The following CACNA2D1 variants were observed in gnomAD, a reference collection of about 807,000 sequenced individuals.
CACNA2D1 encodes calcium voltage-gated channel auxiliary subunit alpha2delta 1.
In CACNA2D1, 53 loss-of-function variants were observed where a neutral mutation model predicts 171.5. The ratio of observed to expected loss-of-function variants is 0.31; its 90% confidence interval spans 0.25 to 0.39. The LOEUF (loss-of-function observed/expected upper bound fraction) is 0.39. CACNA2D1 is among the 10% of genes least tolerant of loss of function. The pLI is 1.00. For missense variants in CACNA2D1, 903 were observed against 1,299.8 expected, an observed-to-expected ratio of 0.69 and a Z score of 4.69; for synonymous variants, 442 against 443.1, an observed-to-expected ratio of 1.00 and a Z score of 0.03.
chr7:82,280,456 G>A lies in CACNA2D1; in HGVS notation c.294+54679C>T, dbSNP rs78731528. 7.8e-3 allele frequency among the ~76,000 whole-genome samples: 1,184 copies of A among 152,188 alleles called. 22 individuals carry two copies. Among genetic ancestry groups the A allele is most frequent in the African/African-American group, 0.027 (1,121 of 41,516 alleles). Reference sequence around the variant, plus strand: ...ATCTTCCCAAATGACACTTTGATGTGTGCCATCTTAATATATCCTGAAGAG... The same window carrying A: ...ATCTTCCCAAATGACACTTTGATGTATGCCATCTTAATATATCCTGAAGAG... On this transcript the variant is annotated intron_variant, in intron 3 of 38. Transcript: ENST00000356860.
At chr7:82,431,602 C>A (rs2129458799) in intron 1 of CACNA2D1, among the ~76,000 whole-genome samples, 1 of 152,248 alleles carries the variant, frequency 6.6e-6, no homozygotes, top group African/African-American at 2.4e-5. Context: ...GTGTAGGAAT[C>A]TAGAATTGAG....
intron 10 of CACNA2D1, among the ~76,000 whole-genome samples, chr7:82,047,218 A>G (rs969639293): frequency 6.6e-6 from 1 of 152,142 alleles, no homozygotes; most frequent in African/African-American, 2.4e-5. Context: ...TATTATTTCC[A>G]TTACAAATGT....
intron 6 of CACNA2D1, among the ~76,000 whole-genome samples, chr7:82,103,222 C>T (rs956683818): frequency 6.6e-6 from 1 of 152,052 alleles, no homozygotes; most frequent in Non-Finnish European, 1.5e-5. Flanking sequence ...AGAAGAGAAT[C>T]GCGTGAACCA....
intron 6 of CACNA2D1, among the ~76,000 whole-genome samples, chr7:82,107,586 C>CTTTTTTTTTT (rs72498624): frequency 1.5e-5 from 2 of 135,650 alleles, no homozygotes; most frequent in Non-Finnish European, 1.6e-5. Flanking sequence ...TGAAAATAAA[C>CTTTTTTTTTT]TTTTTTTTTT....
chr7:82,052,405 G>C (rs1805293917), intron 10 of CACNA2D1, among the ~76,000 whole-genome samples: 3 of 151,972 alleles, frequency 2.0e-5, no homozygotes, highest in Admixed American at 2.0e-4. Flanking sequence ...ATATTTTGAA[G>C]GTTTTTTTCC....
rs1792184386 is a variant in CACNA2D1, at chr7:81,948,125, G to A, written c.*2267C>T. ...TAAGGTAGTTTGTTGTATGCTGGAAGCAATTCAATTGTTTTAATGTGCATT... is the reference window on the plus strand; with the variant it reads ...TAAGGTAGTTTGTTGTATGCTGGAAACAATTCAATTGTTTTAATGTGCATT... On this transcript the variant is annotated 3_prime_UTR_variant, in exon 39 of 39. Transcript: ENST00000356860. The A allele has an allele frequency of 6.6e-6, 1 of 151,746 alleles. No individual in the cohort carries two copies. Among genetic ancestry groups the A allele is most frequent in the Non-Finnish European group, 1.5e-5 (1 of 67,778 alleles). 9.4% of individuals were successfully genotyped at this position (151,746 alleles called of 1,614,324 possible).
chr7:82,054,700 A>G (rs1436277337), intron 10 of CACNA2D1, among the ~76,000 whole-genome samples: 1 of 152,166 alleles, frequency 6.6e-6, no homozygotes, highest in Non-Finnish European at 1.5e-5. Flanking sequence ...GGGATTCCAG[A>G]ACTGAATCAT....
chr7:81,961,749 A>G (rs879239292), intron 36 of CACNA2D1, 145 bp downstream of exon 36: 8 of 714,072 alleles, frequency 1.1e-5, no homozygotes, highest in South Asian at 1.1e-4. Context: ...TTTTCAGCTT[A>G]AAACAATTAC....
At chr7:82,210,317 G>T (rs1800429304) in intron 3 of CACNA2D1, among the ~76,000 whole-genome samples, 1 of 152,118 alleles carries the variant, frequency 6.6e-6, no homozygotes, top group African/African-American at 2.4e-5. Flanking sequence ...GATATGTTAT[G>T]AATGTATTGG....
chr7:82,246,178 G>A (rs768879025), intron 3 of CACNA2D1, among the ~76,000 whole-genome samples: 13 of 150,950 alleles, frequency 8.6e-5, no homozygotes, highest in Admixed American at 4.6e-4. Context: ...TCTATAGCCC[G>A]CTCAGTTAAT....
At chr7:81,970,892 A>AGG in intron 26 of CACNA2D1, 155 bp from the exon 27 acceptor site, 1 of 613,748 alleles carries the variant, frequency 1.6e-6, no homozygotes, top group East Asian at 2.9e-5. Context: ...TATCTATTAA[A>AGG]TTTGTACTTG....
At chr7:82,189,385 G>A (rs1798076958) in intron 3 of CACNA2D1, among the ~76,000 whole-genome samples, 1 of 151,864 alleles carries the variant, frequency 6.6e-6, no homozygotes. Context: ...TTAGCTGATA[G>A]TGCTCTAAGT....
At chr7:82,433,239 AGAT>A (rs1829858956) in intron 1 of CACNA2D1, among the ~76,000 whole-genome samples, 2 of 152,294 alleles carry the variant, frequency 1.3e-5, no homozygotes, top group South Asian at 4.1e-4. Context: ...TGAATCTTTA[AGAT>A]GATAATCTCT....
intron 10 of CACNA2D1, among the ~76,000 whole-genome samples, chr7:82,054,862 AC>A (rs1383187735): frequency 6.6e-6 from 1 of 152,212 alleles, no homozygotes; most frequent in Non-Finnish European, 1.5e-5. Context: ...ATGGGGATGC[AC>A]CTAGCATTTG....
chr7:82,114,401 T>C lies in CACNA2D1; in HGVS notation c.526+2643A>G, dbSNP rs547775215. Among the ~76,000 whole-genome samples the C allele has an allele frequency of 2.5e-3, 378 of 152,196 alleles. 5 individuals carry two copies. The South Asian group carries it at 0.028, about 11-fold the overall frequency. On this transcript the variant is annotated intron_variant, in intron 6 of 38. Transcript: ENST00000356860. ...TCACATATAACCAAACAATAACCTATAAACTTGTCCAGACAATCTGTCTTG... is the reference window on the plus strand; with the variant it reads ...TCACATATAACCAAACAATAACCTACAAACTTGTCCAGACAATCTGTCTTG...
intron 21 of CACNA2D1, among the ~76,000 whole-genome samples, chr7:81,987,314 T>C (rs970452307): frequency 3.3e-5 from 5 of 152,296 alleles, no homozygotes; most frequent in Admixed American, 2.6e-4. Context: ...ATAAAACTGA[T>C]AGACCAAGAC....
At chr7:82,097,045 ATT>A (rs1811971563) in intron 6 of CACNA2D1, among the ~76,000 whole-genome samples, 8 of 152,054 alleles carry the variant, frequency 5.3e-5, no homozygotes, top group Non-Finnish European at 1.5e-5. Context: ...GTCACAAAAG[ATT>A]TTCTGAAAGA....
intron 11 of CACNA2D1, among the ~76,000 whole-genome samples, chr7:82,035,613 T>C (rs1329718833): frequency 6.6e-6 from 1 of 152,118 alleles, no homozygotes; most frequent in African/African-American, 2.4e-5. Flanking sequence ...TGGAAGTTAA[T>C]GTGGCCTCTC....
chr7:82,232,118 T>A (rs149716939), intron 3 of CACNA2D1, among the ~76,000 whole-genome samples: 11 of 152,200 alleles, frequency 7.2e-5, no homozygotes, highest in Non-Finnish European at 1.5e-5. Context: ...GCAATAGGAA[T>A]ACGAGCCAAA....
Sources: allele counts gnomAD v4.1 joint callset (sites outside exome capture counted in the v4.1 genomes callset), GRCh38; gene constraint gnomAD v4.1.1; transcripts MANE v1.5; gene names NCBI Gene and HGNC (gene_info 2026-07-23, HGNC 2026-07-21).